SMG6: variants seen among roughly 807,000 people sequenced by gnomAD.
SMG6 encodes telomerase-binding protein EST1A.
In SMG6, 66 loss-of-function variants were observed where a neutral mutation model predicts 142.2. The observed-to-expected ratio is 0.46, with a 90% CI of 0.38 to 0.57. The LOEUF (loss-of-function observed/expected upper bound fraction) is 0.57, where lower values mean the gene tolerates loss of function less well. Ranked by LOEUF, SMG6 falls within the 20% of genes least tolerant of loss-of-function variation. The pLI is 0.00. For missense variants in SMG6, 1,793 were observed against 1,832.0 expected, an observed-to-expected ratio of 0.98 and a Z score of 0.39; for synonymous variants, 779 against 702.4, an observed-to-expected ratio of 1.11 and a Z score of -1.72.
intron 10 of SMG6, among the ~76,000 whole-genome samples, chr17:2,220,027 T>C (rs957866870): frequency 4.6e-5 from 7 of 152,142 alleles, no homozygotes; most frequent in African/African-American, 1.7e-4. Context: ...GCTTAAGCCA[T>C]TCTCCCGTAT....
chr17:2,124,284 C>A (rs895360962), intron 13 of SMG6, among the ~76,000 whole-genome samples: 1 of 152,138 alleles, frequency 6.6e-6, no homozygotes, highest in Admixed American at 6.6e-5. Flanking sequence ...AAAGGGGTGA[C>A]AATAAGGGTG....
chr17:2,193,726 G>T (rs1026626893), intron 10 of SMG6, among the ~76,000 whole-genome samples: 7 of 152,210 alleles, frequency 4.6e-5, no homozygotes, highest in African/African-American at 1.4e-4. Context: ...TATAATTCAA[G>T]ACAATGTACT....
chr17:2,210,271 G>A (rs1460443338), intron 10 of SMG6, among the ~76,000 whole-genome samples: 1 of 150,352 alleles, frequency 6.7e-6, no homozygotes, highest in Non-Finnish European at 1.5e-5. Context: ...AGGATGAACC[G>A]TTTTCTTTTC....
At chr17:2,138,435 T>C (rs1266286995) in intron 13 of SMG6, among the ~76,000 whole-genome samples, 2 of 152,144 alleles carry the variant, frequency 1.3e-5, no homozygotes, top group Non-Finnish European at 2.9e-5. Flanking sequence ...TGGCCTACAG[T>C]GTAGACAGAC....
chr17:2,222,109 A>G (rs1371998661), intron 10 of SMG6, among the ~76,000 whole-genome samples: 1 of 152,216 alleles, frequency 6.6e-6, no homozygotes, highest in Non-Finnish European at 1.5e-5. Flanking sequence ...GGACTGTTTT[A>G]GATGTTCACA....
At chr17:2,198,950 T>TAAAAAAAAAAA (rs55660022) in intron 10 of SMG6, among the ~76,000 whole-genome samples, 239 of 102,020 alleles carry the variant, frequency 2.3e-3, no homozygotes, top group East Asian at 4.9e-3. Flanking sequence ...AAAATAAAAT[T>TAAAAAAAAAAA]AAAAAAAAAA....
At chr17:2,123,719 G>A (rs773319180) in intron 13 of SMG6, among the ~76,000 whole-genome samples, 4 of 152,200 alleles carry the variant, frequency 2.6e-5, no homozygotes, top group Admixed American at 6.5e-5. Flanking sequence ...AAATAGCACC[G>A]AAGTGAAGCC....
chr17:2,241,603 C>T (rs1017345231), intron 9 of SMG6, among the ~76,000 whole-genome samples: 4 of 152,134 alleles, frequency 2.6e-5, no homozygotes, highest in African/African-American at 9.7e-5. Flanking sequence ...GTTGCCCAGG[C>T]TGGTCTTGAA....
intron 13 of SMG6, among the ~76,000 whole-genome samples, chr17:2,108,621 A>T (rs1350934678): frequency 6.6e-6 from 1 of 151,926 alleles, no homozygotes; most frequent in Non-Finnish European, 1.5e-5. Flanking sequence ...ACAAAGCGAG[A>T]CTCTGTCTCA....
chr17:2,099,928 T>C (rs2068959515), intron 13 of SMG6, among the ~76,000 whole-genome samples: 2 of 152,158 alleles, frequency 1.3e-5, no homozygotes, highest in African/African-American at 4.8e-5. Flanking sequence ...AGTGGTGAGA[T>C]TTCCGCTCAC....
intron 10 of SMG6, among the ~76,000 whole-genome samples, chr17:2,211,688 G>A (rs922596125): frequency 3.9e-4 from 58 of 150,488 alleles, no homozygotes; most frequent in African/African-American, 5.1e-4. Context: ...AAAAAAGGGC[G>A]TTCTTTGACC....
At chr17:2,270,534 G>C (rs985204917) in intron 8 of SMG6, among the ~76,000 whole-genome samples, 3 of 152,144 alleles carry the variant, frequency 2.0e-5, no homozygotes, top group Non-Finnish European at 4.4e-5. Context: ...CTTGAGCCTG[G>C]GAGATGGAGG....
At chr17:2,164,653 C>T (rs910345738) in intron 13 of SMG6, among the ~76,000 whole-genome samples, 5 of 151,710 alleles carry the variant, frequency 3.3e-5, no homozygotes, top group African/African-American at 1.2e-4. Context: ...AAAAAAACAA[C>T]CAGCCGGGAA....
intron 15 of SMG6, among the ~76,000 whole-genome samples, chr17:2,080,463 T>C (rs924778467): frequency 1.3e-5 from 2 of 152,128 alleles, no homozygotes; most frequent in Non-Finnish European, 2.9e-5. Flanking sequence ...TGGCTCTCGA[T>C]TGGTATTTAT....
intron 8 of SMG6, among the ~76,000 whole-genome samples, chr17:2,267,247 C>A (rs928939381): frequency 6.6e-6 from 1 of 152,150 alleles, no homozygotes; most frequent in Admixed American, 6.6e-5. Flanking sequence ...CTCTGTAACC[C>A]AGGCTGGAGT....
chr17:2,290,894 C>T (rs997712558), intron 6 of SMG6, among the ~76,000 whole-genome samples: 7 of 152,168 alleles, frequency 4.6e-5, no homozygotes, highest in Non-Finnish European at 8.8e-5. Context: ...TGCAAAAAGT[C>T]ATACATTATA....
At chr17:2,180,558 A>C (rs2071774527) in intron 12 of SMG6, among the ~76,000 whole-genome samples, 1 of 152,116 alleles carries the variant, frequency 6.6e-6, no homozygotes. Context: ...TCATCATCCT[A>C]GGTGTTCCAC....
At chr17:2,238,641 G>A (rs1411818865) in intron 9 of SMG6, among the ~76,000 whole-genome samples, 2 of 152,210 alleles carry the variant, frequency 1.3e-5, no homozygotes, top group African/African-American at 4.8e-5. Context: ...GCAGTAGAGA[G>A]CCAGCACAGA....
At chr17:2,218,367 G>A (rs1279859841) in intron 10 of SMG6, among the ~76,000 whole-genome samples, 1 of 152,032 alleles carries the variant, frequency 6.6e-6, no homozygotes, top group Non-Finnish European at 1.5e-5. Flanking sequence ...GGCTAACACG[G>A]TGAAATCCCG....
Sources: gnomAD v4.1 joint callset for allele counts (sites outside exome capture counted in the v4.1 genomes callset) on GRCh38, gnomAD v4.1.1 for gene constraint, MANE v1.5 for transcripts, NCBI Gene and HGNC (gene_info 2026-07-23, HGNC 2026-07-21) for gene names.